Variants in C10orf90 observed in about 807,000 individuals in gnomAD.
C10orf90 encodes (E2-independent) E3 ubiquitin-conjugating enzyme FATS.
A neutral mutation model predicts 62.5 loss-of-function variants in C10orf90; 56 were observed. The observed-to-expected ratio is 0.90, with a 90% CI of 0.72 to 1.12. C10orf90 has a LOEUF of 1.12. Ranked by LOEUF, C10orf90 falls within the 50% of genes most tolerant of loss-of-function variation. The pLI is 0.00. For synonymous variants in C10orf90, 386 were observed against 340.4 expected (o/e 1.13, Z -1.47); for missense variants, 970 against 880.4 (o/e 1.10, Z -1.29).
intron 2 of C10orf90, among the ~76,000 whole-genome samples, chr10:126,579,058 A>G (rs1276346036): frequency 6.6e-6 from 1 of 151,008 alleles, no homozygotes; most frequent in Non-Finnish European, 1.5e-5. Context: ...TACTTCAATT[A>G]AAAGTTTTTT....
chr10:126,538,756 G>A lies in C10orf90; in HGVS notation c.314-24817C>T, dbSNP rs926747706. Among the ~76,000 whole-genome samples, 18 of 152,270 alleles carry A rather than the reference G, an allele frequency of 1.2e-4. 1 individual carries two copies. Among genetic ancestry groups the A allele is most frequent in the Admixed American group, 1.1e-3 (17 of 15,298 alleles). ...AGGAACTAGAATTCAAACCCAAGTT[G>A]GATGCCTTGGAAGCCCATGCTTAAC... On this transcript the variant is annotated intron_variant, in intron 2 of 9. Coordinates refer to ENST00000488181, the MANE Select transcript of C10orf90 (RefSeq NM_001350921.2).
chr10:126,470,115 T>A (rs1296460868), intron 4 of C10orf90: 1 of 440,676 alleles, frequency 2.3e-6, no homozygotes, highest in Admixed American at 2.4e-5. Context: ...TTCTGCATGT[T>A]GTGTCCTGCA....
chr10:126,526,277 C>G (rs922080929), intron 2 of C10orf90, among the ~76,000 whole-genome samples: 1 of 149,892 alleles, frequency 6.7e-6, no homozygotes, highest in Non-Finnish European at 1.5e-5. Flanking sequence ...CTCAGTCTCA[C>G]TCTGTCGTTC....
At chr10:126,600,103 G>A (rs1845167268) in intron 2 of C10orf90, among the ~76,000 whole-genome samples, 1 of 150,190 alleles carries the variant, frequency 6.7e-6, no homozygotes, top group Non-Finnish European at 1.5e-5. Flanking sequence ...ATGCTTGTGT[G>A]CGTGCATGCG....
At chr10:126,586,753 T>G (rs1844880320) in intron 2 of C10orf90, among the ~76,000 whole-genome samples, 1 of 152,008 alleles carries the variant, frequency 6.6e-6, no homozygotes, top group Admixed American at 6.6e-5. Context: ...CAGAGGGAGA[T>G]CAAAGCTTTG....
chr10:126,431,095 G>A (rs1239390272), intron 7 of C10orf90, among the ~76,000 whole-genome samples: 1 of 152,188 alleles, frequency 6.6e-6, no homozygotes, highest in Non-Finnish European at 1.5e-5. Flanking sequence ...ACAAGAAAAA[G>A]AAATTGGAAT....
chr10:126,573,359 G>A (rs1844547267), intron 2 of C10orf90, among the ~76,000 whole-genome samples: 1 of 152,170 alleles, frequency 6.6e-6, no homozygotes, highest in Non-Finnish European at 1.5e-5. Context: ...TTAACTGCTA[G>A]GCCCAAGGTG....
chr10:126,515,068 A>C (rs1158828120), intron 2 of C10orf90, among the ~76,000 whole-genome samples: 1 of 152,248 alleles, frequency 6.6e-6, no homozygotes, highest in Non-Finnish European at 1.5e-5. Flanking sequence ...TCAACTCATC[A>C]AAAAGTTTCA....
At chr10:126,490,984 C>T (rs1861738549) in intron 4 of C10orf90, among the ~76,000 whole-genome samples, 1 of 152,108 alleles carries the variant, frequency 6.6e-6, no homozygotes. Context: ...CTGCAGGATT[C>T]AGTTCCCATA....
intron 2 of C10orf90, among the ~76,000 whole-genome samples, chr10:126,606,747 C>A (rs1845320814): frequency 6.6e-6 from 1 of 152,136 alleles, no homozygotes; most frequent in Non-Finnish European, 1.5e-5. Flanking sequence ...GAAGTTCAAT[C>A]ATTTCCATAA....
intron 2 of C10orf90, among the ~76,000 whole-genome samples, chr10:126,641,010 C>G (rs11819562): frequency 0.021 from 3,141 of 152,228 alleles, 112 homozygotes; most frequent in African/African-American, 0.071. Flanking sequence ...GTTTCTGTAA[C>G]AAAAGATAAT....
At chr10:126,595,299 C>T (rs1845061874) in intron 2 of C10orf90, among the ~76,000 whole-genome samples, 1 of 152,122 alleles carries the variant, frequency 6.6e-6, no homozygotes, top group Admixed American at 6.5e-5. Flanking sequence ...TGAAGCTGAC[C>T]TCTGCTCCAC....
chr10:126,498,445 C>G (rs4962561), intron 4 of C10orf90, among the ~76,000 whole-genome samples: 1 of 152,106 alleles, frequency 6.6e-6, no homozygotes, highest in Non-Finnish European at 1.5e-5. Context: ...CCTCCTCATA[C>G]GGGTGCTAAG....
At chr10:126,439,565 A>G (rs545612959) in intron 7 of C10orf90, among the ~76,000 whole-genome samples, 104 of 152,330 alleles carry the variant, frequency 6.8e-4, no homozygotes, top group African/African-American at 2.4e-3. Context: ...AAAAAAAATG[A>G]CATCAGGAAA....
chr10:126,669,577 C>A (rs768457991), intron 1 of C10orf90, among the ~76,000 whole-genome samples: 113 of 152,274 alleles, frequency 7.4e-4, no homozygotes, highest in Middle Eastern at 3.4e-3. Flanking sequence ...AGATTTCATG[C>A]GTGTTTACTT....
intron 2 of C10orf90, among the ~76,000 whole-genome samples, chr10:126,637,399 C>G (rs910517651): frequency 6.6e-6 from 1 of 152,264 alleles, no homozygotes; most frequent in African/African-American, 2.4e-5. Flanking sequence ...CCCATTCCCC[C>G]ACCAGGGGGT....
At chr10:126,514,037 A>G in intron 2 of C10orf90, 98 bp from the exon 3 acceptor site, 2 of 807,108 alleles carry the variant, frequency 2.5e-6, no homozygotes, top group Non-Finnish European at 4.0e-6. Flanking sequence ...CTACTCACAT[A>G]TTCTATCAGC....
intron 1 of C10orf90, among the ~76,000 whole-genome samples, chr10:126,658,127 A>G (rs1382332460): frequency 3.9e-5 from 6 of 152,204 alleles, no homozygotes; most frequent in Admixed American, 6.5e-5. Flanking sequence ...TCCCAGAACA[A>G]GGACGTTGAA....
intron 2 of C10orf90, among the ~76,000 whole-genome samples, chr10:126,632,871 C>T (rs1451345969): frequency 2.6e-5 from 4 of 152,182 alleles, no homozygotes; most frequent in African/African-American, 9.7e-5. Flanking sequence ...CCCCAACTGA[C>T]AGCTCACTGA....
Sources: gnomAD v4.1 joint callset for allele counts (sites outside exome capture counted in the v4.1 genomes callset) on GRCh38, gnomAD v4.1.1 for gene constraint, MANE v1.5 for transcripts, NCBI Gene and HGNC (gene_info 2026-07-23, HGNC 2026-07-21) for gene names.